PTPRG: variants seen among roughly 807,000 people sequenced by gnomAD.
PTPRG encodes the protein receptor-type tyrosine-protein phosphatase gamma.
A neutral mutation model predicts 165.3 loss-of-function variants in PTPRG; 102 were observed. That is an observed-to-expected ratio of 0.62 (90% CI 0.53 to 0.73). The LOEUF (loss-of-function observed/expected upper bound fraction) is 0.73. Among genes scored for constraint, PTPRG ranks in the 30% least tolerant of loss-of-function variants. The pLI is 0.00. For synonymous variants in PTPRG, 675 were observed against 669.5 expected (o/e 1.01, Z -0.13); for missense variants, 1,866 against 1,861.4 (o/e 1.00, Z -0.05).
At chr3:61,743,279 A>T (rs1304464967) in intron 1 of PTPRG, among the ~76,000 whole-genome samples, 1 of 152,180 alleles carries the variant, frequency 6.6e-6, no homozygotes, top group Non-Finnish European at 1.5e-5. Flanking sequence ...CCTAGCAACC[A>T]ACTTGACTTA....
intron 6 of PTPRG, among the ~76,000 whole-genome samples, chr3:62,156,156 G>C (rs181520910): frequency 1.9e-4 from 29 of 152,324 alleles, no homozygotes; most frequent in African/African-American, 5.5e-4. Context: ...CTTTGCTCAT[G>C]CTGTTTCTAC....
intron 9 of PTPRG, among the ~76,000 whole-genome samples, chr3:62,193,156 G>A (rs191388177): frequency 6.6e-6 from 1 of 152,300 alleles, no homozygotes. Context: ...CTGGAGTGAA[G>A]ATGGCTTGCA....
In PTPRG at chr3:61,732,867, C is replaced by A. The variant is rs924312079; in HGVS notation, c.86-16011C>A. On this transcript the variant is annotated intron_variant, in intron 1 of 29. Transcript: ENST00000474889. ...GAACATATGCCTGCGTGGAACATTC[C>A]CTTTTTCTGTTTAAAAGAAAGTGAA... Among the ~76,000 whole-genome samples, 3 of 152,172 alleles carry A rather than the reference C, an allele frequency of 2.0e-5. No individual in the cohort carries two copies. The East Asian group carries it at 5.8e-4, about 29-fold the overall frequency.
chr3:61,894,435 G>A (rs56201875), intron 2 of PTPRG, among the ~76,000 whole-genome samples: 1 of 150,758 alleles, frequency 6.6e-6, no homozygotes, highest in Non-Finnish European at 1.5e-5. Flanking sequence ...TGGCAGCTGA[G>A]AAATAAAAAG....
intron 4 of PTPRG, among the ~76,000 whole-genome samples, chr3:62,061,361 C>G (rs1304280738): frequency 6.6e-6 from 1 of 152,160 alleles, no homozygotes; most frequent in Non-Finnish European, 1.5e-5. Flanking sequence ...TATCCACTAA[C>G]AAGATAGGTC....
At chr3:61,845,642 A>G (rs1216209300) in intron 2 of PTPRG, among the ~76,000 whole-genome samples, 1 of 152,208 alleles carries the variant, frequency 6.6e-6, no homozygotes, top group Non-Finnish European at 1.5e-5. Context: ...TGGAAGATGA[A>G]AAAAGGAAGC....
At chr3:62,141,119 A>C (rs976079390) in intron 6 of PTPRG, among the ~76,000 whole-genome samples, 4 of 152,212 alleles carry the variant, frequency 2.6e-5, no homozygotes, top group Non-Finnish European at 5.9e-5. Flanking sequence ...GCACATACCA[A>C]ATAGTCAAAT....
chr3:62,073,682 T>C (rs887246238), intron 4 of PTPRG, among the ~76,000 whole-genome samples: 2 of 152,160 alleles, frequency 1.3e-5, no homozygotes, highest in Admixed American at 1.3e-4. Context: ...GGTTTCACCA[T>C]GTTGGCCAGG....
intron 15 of PTPRG, among the ~76,000 whole-genome samples, chr3:62,247,057 C>A (rs1701302865): frequency 6.6e-6 from 1 of 152,078 alleles, no homozygotes; most frequent in Admixed American, 6.5e-5. Context: ...GTTCCCAGAG[C>A]TTATTTTACA....
In PTPRG at chr3:62,021,264, G is replaced by A. The variant is rs566287458; in HGVS notation, c.519+17767G>A. Among the ~76,000 whole-genome samples the A allele has an allele frequency of 5.3e-5, 8 of 152,214 alleles. No individual in the cohort carries two copies. In the South Asian group the frequency reaches 1.7e-3, roughly 32 times the overall value. On this transcript the variant is annotated intron_variant, in intron 4 of 29. Transcript: ENST00000474889. ...ATTGTTGGACCTTTCGGCTCTTTCT[G>A]TTGGTCTGTCTTATAAACATCACAG... is the stretch of plus-strand genomic sequence containing the variant.
At chr3:61,861,470 A>G (rs946885992) in intron 2 of PTPRG, among the ~76,000 whole-genome samples, 2 of 152,218 alleles carry the variant, frequency 1.3e-5, no homozygotes, top group African/African-American at 4.8e-5. Flanking sequence ...GTTCCCTGTT[A>G]TTAGAGTCCT....
intron 2 of PTPRG, among the ~76,000 whole-genome samples, chr3:61,975,217 G>A (rs1056256211): frequency 6.6e-6 from 1 of 152,128 alleles, no homozygotes; most frequent in Non-Finnish European, 1.5e-5. Context: ...CGTTTACTAG[G>A]GGAATGATCT....
intron 4 of PTPRG, among the ~76,000 whole-genome samples, chr3:62,040,480 A>T (rs1700090962): frequency 6.6e-6 from 1 of 152,232 alleles, no homozygotes; most frequent in South Asian, 2.1e-4. Flanking sequence ...TTTAAGACAG[A>T]GTCTTACTCT....
In PTPRG at chr3:61,825,131, C is replaced by G. The variant is rs2036068926; in HGVS notation, c.190+76149C>G. On this transcript the variant is annotated intron_variant, in intron 2 of 29. Coordinates refer to ENST00000474889, the MANE Select transcript of PTPRG (RefSeq NM_002841.4). ...AAGGGTAAGAATATTCGAGATACAT[C>G]AGTAAATGTACTCCTGAAGTCACAA... Among the ~76,000 whole-genome samples, 4 of 152,168 alleles carry G rather than the reference C, an allele frequency of 2.6e-5. 1 individual carries two copies. The South Asian group carries it at 8.3e-4, about 32-fold the overall frequency.
intron 2 of PTPRG, among the ~76,000 whole-genome samples, chr3:61,869,574 CTCCCCTCCCT>C (rs1185459593): frequency 2.6e-5 from 4 of 151,724 alleles, no homozygotes; most frequent in African/African-American, 7.3e-5. Flanking sequence ...CTCCCCTCCC[CTCCCCTCCCT>C]TCACCTCTTT....
intron 1 of PTPRG, among the ~76,000 whole-genome samples, chr3:61,578,696 G>T (rs1700218931): frequency 6.6e-6 from 1 of 152,250 alleles, no homozygotes; most frequent in Non-Finnish European, 1.5e-5. Context: ...GGTCTGCCCA[G>T]AAGGGCTTCT....
At chr3:61,621,964 C>G (rs1395246873) in intron 1 of PTPRG, among the ~76,000 whole-genome samples, 1 of 152,178 alleles carries the variant, frequency 6.6e-6, no homozygotes, top group Admixed American at 6.6e-5. Flanking sequence ...ATTATTATCT[C>G]CACAGTCCCT....
Position 62,165,554 on chromosome 3 carries a change from CA to C in PTPRG, c.841-2416del, listed in dbSNP as rs1217163178. 1.3e-4 allele frequency among the ~76,000 whole-genome samples: 19 copies of C among 151,926 alleles called. No individual in the cohort carries two copies. The South Asian group carries it at 3.1e-3, about 25-fold the overall frequency. On this transcript the variant is annotated intron_variant, in intron 7 of 29. Coordinates refer to ENST00000474889, the MANE Select transcript of PTPRG (RefSeq NM_002841.4). ...AGGAATAGCAGAAAGAATAGGAAGG[CA>C]GGCAGATGCTACCTAGAGACACTAT...
chr3:62,194,276 C>T (rs139287533), intron 9 of PTPRG, among the ~76,000 whole-genome samples: 10 of 152,336 alleles, frequency 6.6e-5, no homozygotes, highest in Admixed American at 3.9e-4. Context: ...TTCTGTTGCT[C>T]GGTGTGGTCT....
Sources: gnomAD v4.1 joint callset for allele counts (sites outside exome capture counted in the v4.1 genomes callset) on GRCh38, gnomAD v4.1.1 for gene constraint, MANE v1.5 for transcripts, NCBI Gene and HGNC (gene_info 2026-07-23, HGNC 2026-07-21) for gene names.